ARHGAP8: variants seen among roughly 807,000 people sequenced by gnomAD.
ARHGAP8 encodes the protein rho GTPase-activating protein 8.
A neutral mutation model predicts 46.1 loss-of-function variants in ARHGAP8; 62 were observed. That is an observed-to-expected ratio of 1.34 (90% CI 1.10 to 1.66). The LOEUF is 1.66. Among genes scored for constraint, ARHGAP8 ranks in the 40% most tolerant of loss-of-function variants. The pLI is 0.00. For synonymous variants in ARHGAP8, 375 were observed against 243.1 expected (o/e 1.54, Z -5.05); for missense variants, 923 against 568.4 (o/e 1.62, Z -6.34).
At chr22:44,784,272 T>C (rs1927054389) in intron 1 of ARHGAP8, among the ~76,000 whole-genome samples, 1 of 152,114 alleles carries the variant, frequency 6.6e-6, no homozygotes, top group Admixed American at 6.5e-5. Flanking sequence ...AGCGTGGTGG[T>C]GCATGCCTGT....
intron 1 of ARHGAP8, among the ~76,000 whole-genome samples, chr22:44,761,781 T>A (rs1925151087): frequency 6.6e-6 from 1 of 152,322 alleles, no homozygotes; most frequent in South Asian, 2.1e-4. Context: ...AGAGGTTTAA[T>A]TGACTTACAG....
At position 44,849,029 on chromosome 22, in the gene ARHGAP8, C is replaced by G. The variant is rs2070030909; in HGVS notation, c.846C>G (p.Phe282Leu). 1 of 1,613,948 alleles carries G rather than the reference C, an allele frequency of 6.2e-7. No homozygotes were observed. Among genetic ancestry groups the G allele is most frequent in the Non-Finnish European group, 8.5e-7 (1 of 1,179,962 alleles). Reference protein sequence around the residue: ...LRELPQPLLTFQAYEQILGIT... With the variant: ...LRELPQPLLTLQAYEQILGIT... ...AGCTGCCCCAGCCGCTTCTGACCTT[C>G]CAGGCCTACGAGCAGATTCTCGGGA... is the stretch of plus-strand genomic sequence containing the variant. Residue 282 changes from phenylalanine to leucine, a missense_variant, in exon 10 of 12, where the codon TTC becomes TTG. Physicochemically the swap from Phe to Leu is conservative, Grantham distance 22. Coordinates refer to ENST00000356099, the MANE Select transcript of ARHGAP8 (RefSeq NM_181335.3).
At chr22:44,766,522 G>T (rs376149066) in intron 1 of ARHGAP8, among the ~76,000 whole-genome samples, 2 of 152,118 alleles carry the variant, frequency 1.3e-5, no homozygotes, top group African/African-American at 4.8e-5. Flanking sequence ...GTCTGTGTGC[G>T]TGTGTCTGTA....
chr22:44,838,925 G>A (rs1001085749), intron 7 of ARHGAP8, among the ~76,000 whole-genome samples: 6 of 152,204 alleles, frequency 3.9e-5, no homozygotes, highest in African/African-American at 7.2e-5. Context: ...TTTAATATTT[G>A]CAGACCTTGG....
chr22:44,807,083 C>A (rs1476047295), intron 3 of ARHGAP8, among the ~76,000 whole-genome samples: 1 of 152,196 alleles, frequency 6.6e-6, no homozygotes, highest in Non-Finnish European at 1.5e-5. Context: ...GGCTTTCTCC[C>A]GAGGCAGTTC....
intron 8 of ARHGAP8, among the ~76,000 whole-genome samples, chr22:44,846,790 G>A (rs1203542608): frequency 6.6e-6 from 1 of 151,702 alleles, no homozygotes; most frequent in African/African-American, 2.4e-5. Flanking sequence ...CACACGGGAT[G>A]GGGAAGCAGC....
At chr22:44,793,407 C>T (rs1034295628) in intron 2 of ARHGAP8, among the ~76,000 whole-genome samples, 8 of 152,158 alleles carry the variant, frequency 5.3e-5, no homozygotes, top group South Asian at 2.1e-4. Flanking sequence ...ACACATCCAC[C>T]GCCCTGGGTT....
At chr22:44,801,945 G>A (rs904906456) in intron 2 of ARHGAP8, 132 bp from the exon 3 acceptor site, 79 of 965,140 alleles carry the variant, frequency 8.2e-5, no homozygotes, top group South Asian at 1.2e-4. Flanking sequence ...AGCAGGTGTC[G>A]CCTCCGAGGA....
chr22:44,774,008 A>G, intron 1 of ARHGAP8, among the ~76,000 whole-genome samples: 1 of 152,232 alleles, frequency 6.6e-6, no homozygotes, highest in East Asian at 1.9e-4. Flanking sequence ...AAATCCTTAT[A>G]TTCTCTCTAT....
intron 5 of ARHGAP8, among the ~76,000 whole-genome samples, chr22:44,818,426 G>C (rs999773602): frequency 1.6e-4 from 23 of 144,808 alleles, no homozygotes; most frequent in African/African-American, 6.4e-4. Flanking sequence ...TCCAGCCTGG[G>C]CAACAAGAGT....
chr22:44,791,365 C>A (rs1243405544), intron 2 of ARHGAP8, among the ~76,000 whole-genome samples: 1 of 152,118 alleles, frequency 6.6e-6, no homozygotes. Context: ...CAGTCTTCAG[C>A]TTTTAGATAG....
intron 7 of ARHGAP8, among the ~76,000 whole-genome samples, chr22:44,830,043 A>G (rs535888166): frequency 3.1e-4 from 42 of 134,840 alleles, no homozygotes; most frequent in Admixed American, 2.4e-3. Flanking sequence ...TTTTTCCCTG[A>G]GATGGCGTCT....
chr22:44,765,178 A>T (rs1925456167), intron 1 of ARHGAP8: 1 of 152,148 alleles, frequency 6.6e-6, no homozygotes, highest in African/African-American at 2.4e-5. Flanking sequence ...TTTGCATGTG[A>T]CAGGGAAGAG....
rs765477899 is a variant in ARHGAP8, at chr22:44,862,508, G to A, written c.1215G>A (p.Gln405=). ...WEQGSRAAPL[Q]EAVPRTQATG... ...AGGGGAGCAGGGCAGCCCCTTTGCA[G>A]GAGGCTGTGCCACGGACACAAGCCA... The change falls in exon 12 of 12, where the codon CAG becomes CAA. Residue 405 remains glutamine (Q), a synonymous_variant. Coordinates refer to ENST00000356099, the MANE Select transcript of ARHGAP8 (RefSeq NM_181335.3). 1.2e-6 allele frequency: 2 copies of A among 1,613,316 alleles called. No homozygotes were observed. Among genetic ancestry groups the A allele is most frequent in the African/African-American group, 2.7e-5 (2 of 75,042 alleles).
At position 44,830,024 on chromosome 22, in the gene ARHGAP8, C is replaced by CT. The variant is rs386395573; in HGVS notation, c.596+4444dup. Among the ~76,000 whole-genome samples the CT allele has an allele frequency of 8.6e-3, 1,229 of 142,546 alleles. 15 individuals are homozygous for CT. Among genetic ancestry groups the CT allele is most frequent in the Non-Finnish European group, 0.012 (810 of 66,022 alleles). The allele number at this position is 142,546 out of a possible 152,430, so 93.5% of individuals were successfully genotyped here. On this transcript the variant is annotated intron_variant, in intron 7 of 11. Coordinates refer to ENST00000356099, the MANE Select transcript of ARHGAP8 (RefSeq NM_181335.3). ...GCATTTTCTTTTTTTTCCTCTCTCT[C>CT]TTTTTTTTTTTTTCCCTGAGATGGC...
chr22:44,859,910 C>T (rs546360207), intron 11 of ARHGAP8, 76 bp downstream of exon 11: 21 of 1,510,232 alleles, frequency 1.4e-5, no homozygotes, highest in African/African-American at 2.7e-5. Context: ...TGGACCAGTC[C>T]CCTCCTTGCC....
chr22:44,831,850 G>A (rs1930969422), intron 7 of ARHGAP8, among the ~76,000 whole-genome samples: 1 of 152,170 alleles, frequency 6.6e-6, no homozygotes, highest in African/African-American at 2.4e-5. Context: ...ACACAATCTT[G>A]ATTACTGTAG....
chr22:44,830,298 A>C (rs1053616278), intron 7 of ARHGAP8, among the ~76,000 whole-genome samples: 1 of 151,792 alleles, frequency 6.6e-6, no homozygotes, highest in African/African-American at 2.4e-5. Flanking sequence ...TGCTGTGATT[A>C]CAGGCGTGAG....
chr22:44,813,960 A>G (rs569289885), intron 4 of ARHGAP8, among the ~76,000 whole-genome samples: 2 of 152,250 alleles, frequency 1.3e-5, no homozygotes, highest in African/African-American at 4.8e-5. Context: ...GACCCCACGC[A>G]GGCCATGTGG....
Sources: gnomAD v4.1 joint callset for allele counts (sites outside exome capture counted in the v4.1 genomes callset) on GRCh38, gnomAD v4.1.1 for gene constraint, MANE v1.5 for transcripts, NCBI Gene and HGNC (gene_info 2026-07-23, HGNC 2026-07-21) for gene names.